ZNF608: variants seen among roughly 807,000 people sequenced by gnomAD.
ZNF608 encodes the protein zinc finger protein 608.
In ZNF608, 12 loss-of-function variants were observed where a neutral mutation model predicts 109.0. The ratio of observed to expected loss-of-function variants is 0.11; its 90% CI spans 0.07 to 0.18. The LOEUF (loss-of-function observed/expected upper bound fraction) is 0.18, where lower values mean the gene tolerates loss of function less well. Among genes scored for constraint, ZNF608 ranks in the 10% least tolerant of loss-of-function variants. ZNF608 has a pLI of 1.00. For missense variants in ZNF608, 1,707 were observed against 1,879.3 expected (o/e 0.91, Z 1.70); for synonymous variants, 732 against 717.4 (o/e 1.02, Z -0.33).
rs143401829 is a variant in ZNF608, at chr5:124,648,596, C to T, written c.1788G>A (p.Ser596=). 5,637 of 1,614,210 alleles carry T rather than the reference C, an allele frequency of 3.5e-3. 26 individuals carry two copies. The highest frequency in any genetic ancestry group is 4.0e-3 in the Middle Eastern group (24 of 6,062). Residue 596 remains serine, a synonymous_variant, in exon 5 of 10, where the codon TCG becomes TCA. Coordinates refer to ENST00000513986, the MANE Select transcript of ZNF608 (RefSeq NM_020747.3). ...CATTACTCAATCCTTCCTCACAGTC[C>T]GAGATCTTGTCCTCACTGTCAGGCT... ...EFEPDSEDKI[S]DCEEGLSNVA...
At chr5:124,746,841 G>A (rs970376620), upstream of ZNF608, 35 of 914,660 alleles carry the variant, frequency 3.8e-5, no homozygotes, top group Non-Finnish European at 4.0e-5. Flanking sequence ...GAAAGGGTGG[G>A]ATGAGAAACT....
chr5:124,731,453 C>T (rs113069936), intron 2 of ZNF608, among the ~76,000 whole-genome samples: 7,522 of 151,920 alleles, frequency 0.05, 569 homozygotes, highest in African/African-American at 0.16. Flanking sequence ...CCTCGTGATC[C>T]GCCCACCTCA....
At chr5:124,675,968 A>T (rs1751931108) in intron 3 of ZNF608, among the ~76,000 whole-genome samples, 1 of 152,190 alleles carries the variant, frequency 6.6e-6, no homozygotes, top group South Asian at 2.1e-4. Flanking sequence ...GGGAGGTAGT[A>T]TCTCTGCCAA....
chr5:124,682,819 C>T (rs1483078019), intron 3 of ZNF608, among the ~76,000 whole-genome samples: 1 of 152,186 alleles, frequency 6.6e-6, no homozygotes, highest in East Asian at 1.9e-4. Flanking sequence ...TTGGCCTAAC[C>T]ATAATTACTT....
At position 124,637,758 on chromosome 5, in the gene ZNF608, TA is replaced by T; in HGVS notation, c.*141del. ...TACAGCAACATTTGTTACTCTGTGA[TA>T]AAATCTGTAATTTACAAAAATGAAA... On this transcript the variant is annotated 3_prime_UTR_variant, in exon 10 of 10. Coordinates refer to ENST00000513986, the MANE Select transcript of ZNF608 (RefSeq NM_020747.3). 1.4e-6 allele frequency: 1 copy of T among 730,752 alleles called. No homozygotes were observed. The highest frequency in any genetic ancestry group is 2.2e-6 in the Non-Finnish European group (1 of 452,212). 45.3% of individuals were successfully genotyped at this position (730,752 alleles called of 1,614,324 possible).
chr5:124,686,155 TC>T (rs1441934202), intron 3 of ZNF608, among the ~76,000 whole-genome samples: 1 of 152,216 alleles, frequency 6.6e-6, no homozygotes, highest in Non-Finnish European at 1.5e-5. Context: ...TCCTTCTGAA[TC>T]GTGGAAGATT....
chr5:124,668,714 G>C (rs1289211303), intron 3 of ZNF608, among the ~76,000 whole-genome samples: 1 of 152,156 alleles, frequency 6.6e-6, no homozygotes, highest in African/African-American at 2.4e-5. Flanking sequence ...CAGCTGGGAG[G>C]CCTGACCCAC....
chr5:124,746,155 T>C (rs1173803031), intron 1 of ZNF608, 40 bp downstream of exon 1: 2 of 985,072 alleles, frequency 2.0e-6, no homozygotes, highest in Non-Finnish European at 2.4e-6. Flanking sequence ...TAAATAAATA[T>C]ACATACACAC....
At position 124,637,810 on chromosome 5, in the gene ZNF608, G is replaced by T; in HGVS notation, c.*90C>A. The T allele has an allele frequency of 7.4e-7, 1 of 1,358,692 alleles. No homozygotes were observed. The highest frequency in any genetic ancestry group is 1.5e-5 in the African/African-American group (1 of 68,148). 84.2% of individuals were successfully genotyped at this position (1,358,692 alleles called of 1,614,324 possible). ...TGACTGGTTTTTGCCTGCCATTAAG[G>T]CATTTCAAATTAACACCATGGAACT... On this transcript the variant is annotated 3_prime_UTR_variant, in exon 10 of 10. Coordinates refer to ENST00000513986, the MANE Select transcript of ZNF608 (RefSeq NM_020747.3).
In ZNF608 at chr5:124,644,646, T is replaced by C; in HGVS notation, c.3721A>G (p.Thr1241Ala). ...GGCTGGTATACATAATGATGCCATGTTCTTGAATCTGGGTCCTGATTTTTT... is the reference window on the plus strand; with the variant it reads ...GGCTGGTATACATAATGATGCCATGCTCTTGAATCTGGGTCCTGATTTTTT... ...SRFKQDPDSR[T>A]WHHYVYQPKY... Residue 1241 changes from threonine to alanine, a missense_variant, in exon 6 of 10, where the codon ACA (threonine) becomes GCA (alanine). By Grantham distance (58) the Thr-to-Ala change is moderately conservative. This residue lies in a region of ZNF608 where 1,073 missense variants were observed against 1,133.5 expected (regional missense o/e 0.95). Coordinates refer to ENST00000513986, the MANE Select transcript of ZNF608 (RefSeq NM_020747.3). The C allele has an allele frequency of 6.5e-7, 1 of 1,545,024 alleles. No homozygotes were observed. Among genetic ancestry groups the C allele is most frequent in the Non-Finnish European group, 8.7e-7 (1 of 1,145,938 alleles).
chr5:124,676,430 A>G (rs760527515), intron 3 of ZNF608, among the ~76,000 whole-genome samples: 6 of 152,220 alleles, frequency 3.9e-5, no homozygotes, highest in South Asian at 2.1e-4. Context: ...ACTTATCTAG[A>G]CCGCTATTAA....
intron 2 of ZNF608, among the ~76,000 whole-genome samples, chr5:124,705,311 G>T (rs1262946741): frequency 6.6e-6 from 1 of 152,136 alleles, no homozygotes; most frequent in East Asian, 1.9e-4. Context: ...ACAGAATTGG[G>T]TTCAAATGCT....
chr5:124,646,646 T>A, intron 5 of ZNF608, 33 bp downstream of exon 5: 1 of 1,588,394 alleles, frequency 6.3e-7, no homozygotes, highest in Non-Finnish European at 8.6e-7. Context: ...CAGACTGCTC[T>A]CTCCCTGTTG....
rs970987819 is a variant in ZNF608, at chr5:124,648,173, G to A, written c.2211C>T (p.Pro737=). The part of the protein sequence containing the change: ...KNLSKLKSAR[P]IAPAPAPTPP... ...GAGTGGGGGCTGGGGCAGGGGCAAT[G>A]GGCCGGGCACTTTTCAGTTTAGAGA... is the stretch of plus-strand genomic sequence containing the variant. The change falls in exon 5 of 10, where the codon CCC becomes CCT. Residue 737 remains proline, a synonymous_variant. Coordinates refer to ENST00000513986, the MANE Select transcript of ZNF608 (RefSeq NM_020747.3). 7.4e-6 allele frequency: 12 copies of A among 1,613,214 alleles called. No homozygotes were observed. Among genetic ancestry groups the A allele is most frequent in the South Asian group, 4.4e-5 (4 of 91,030 alleles).
At chr5:124,652,447 T>C (rs542691014) in intron 3 of ZNF608, among the ~76,000 whole-genome samples, 1 of 152,346 alleles carries the variant, frequency 6.6e-6, no homozygotes, top group African/African-American at 2.4e-5. Flanking sequence ...GCTAATTAAA[T>C]ATGTGTGCTT....
intron 2 of ZNF608, among the ~76,000 whole-genome samples, chr5:124,724,940 CTTTCTGAGT>C (rs917045118): frequency 5.3e-5 from 8 of 152,276 alleles, no homozygotes; most frequent in Admixed American, 6.5e-5. Flanking sequence ...TCTCTCCCAC[CTTTCTGAGT>C]CTTACTTGGT....
At chr5:124,745,971 C>G (rs1749624705) in intron 1 of ZNF608, 1 of 196,962 alleles carries the variant, frequency 5.1e-6, no homozygotes, top group Non-Finnish European at 9.2e-6. Context: ...GAATTGCTCA[C>G]TCTCTTAAAT....
At chr5:124,654,133 CAGGCA>C (rs1470205499) in intron 3 of ZNF608, among the ~76,000 whole-genome samples, 2 of 152,138 alleles carry the variant, frequency 1.3e-5, no homozygotes, top group Non-Finnish European at 2.9e-5. Flanking sequence ...GCCTTTCATC[CAGGCA>C]AGGATAATGA....
intron 6 of ZNF608, among the ~76,000 whole-genome samples, chr5:124,644,003 T>C (rs1416549911): frequency 6.6e-6 from 1 of 152,204 alleles, no homozygotes; most frequent in Admixed American, 6.5e-5. Context: ...GGCAATAAAG[T>C]ATCTGTCAGC....
Sources: allele counts gnomAD v4.1 joint callset (sites outside exome capture counted in the v4.1 genomes callset), GRCh38; gene constraint gnomAD v4.1.1; regional missense constraint gnomAD v4.1.1; transcripts MANE v1.5; gene names NCBI Gene and HGNC (gene_info 2026-07-23, HGNC 2026-07-21).